Variants in PPP1R36 observed in about 807,000 individuals in gnomAD.
The protein encoded by PPP1R36 is protein phosphatase 1 regulatory subunit 36.
PPP1R36 carries 47 observed loss-of-function variants against 53.4 expected under a neutral mutation model. The ratio of observed to expected loss-of-function variants is 0.88; its 90% CI spans 0.70 to 1.12. The LOEUF (loss-of-function observed/expected upper bound fraction) is 1.12. Ranked by LOEUF, PPP1R36 falls within the 50% of genes most tolerant of loss-of-function variation. The pLI, the probability that PPP1R36 is intolerant of heterozygous loss-of-function variation, is 0.00. For synonymous variants in PPP1R36, 153 were observed against 170.5 expected, an observed-to-expected ratio of 0.90 and a Z score of 0.80; for missense variants, 456 against 513.9, an observed-to-expected ratio of 0.89 and a Z score of 1.09.
chr14:64,559,978 C>T (rs1029043755), intron 3 of PPP1R36, among the ~76,000 whole-genome samples: 2 of 151,800 alleles, frequency 1.3e-5, no homozygotes, highest in Non-Finnish European at 2.9e-5. Flanking sequence ...TGGTACGTGC[C>T]TGCAGTCCCA....
At chr14:64,581,119 G>C (rs576355304) in intron 8 of PPP1R36, among the ~76,000 whole-genome samples, 12 of 152,320 alleles carry the variant, frequency 7.9e-5, no homozygotes, top group African/African-American at 2.6e-4. Flanking sequence ...GAAGTTACAG[G>C]CAAAGTTGTA....
intron 11 of PPP1R36, 71 bp from the exon 12 acceptor site, chr14:64,589,081 A>G (rs2080462505): frequency 3.5e-6 from 4 of 1,135,350 alleles, no homozygotes; most frequent in Non-Finnish European, 5.2e-6. Flanking sequence ...CACAACCACA[A>G]TCACAGTCTC....
intron 8 of PPP1R36, among the ~76,000 whole-genome samples, chr14:64,576,074 G>T: frequency 7.8e-6 from 1 of 129,024 alleles, no homozygotes. Context: ...ATTTGACTGA[G>T]TATCTTTTTT....
chr14:64,579,938 C>G (rs2080374448), intron 8 of PPP1R36, among the ~76,000 whole-genome samples: 1 of 152,040 alleles, frequency 6.6e-6, no homozygotes, highest in Admixed American at 6.6e-5. Context: ...CCACTGCACT[C>G]CAGCCTGGGC....
At chr14:64,559,875 G>A (rs906397692) in intron 3 of PPP1R36, among the ~76,000 whole-genome samples, 1 of 151,730 alleles carries the variant, frequency 6.6e-6, no homozygotes, top group Non-Finnish European at 1.5e-5. Context: ...AGGCCAAGGC[G>A]AGGAAATACC....
intron 7 of PPP1R36, among the ~76,000 whole-genome samples, chr14:64,570,817 G>A (rs2080296905): frequency 6.6e-6 from 1 of 152,176 alleles, no homozygotes; most frequent in South Asian, 2.1e-4. Context: ...ATTGATGTCA[G>A]GTGATTAAAA....
intron 3 of PPP1R36, chr14:64,559,657 G>A (rs1056744570): frequency 2.0e-5 from 3 of 152,378 alleles, no homozygotes; most frequent in Middle Eastern, 3.1e-3. Context: ...GGGGACTGCA[G>A]GTGGTTCATT....
At chr14:64,578,642 G>C (rs117242159) in intron 8 of PPP1R36, among the ~76,000 whole-genome samples, 2 of 152,224 alleles carry the variant, frequency 1.3e-5, no homozygotes, top group East Asian at 3.9e-4. Flanking sequence ...AAAAGGGAAC[G>C]CTTATACACT....
chr14:64,570,251 A>T (rs1223851390), intron 7 of PPP1R36, among the ~76,000 whole-genome samples: 1 of 152,070 alleles, frequency 6.6e-6, no homozygotes, highest in Non-Finnish European at 1.5e-5. Context: ...TGGGAGGCCA[A>T]GGCGAGTGGA....
At chr14:64,577,375 G>A (rs978806946) in intron 8 of PPP1R36, among the ~76,000 whole-genome samples, 1 of 152,118 alleles carries the variant, frequency 6.6e-6, no homozygotes, top group Non-Finnish European at 1.5e-5. Context: ...CAGTGTCTGG[G>A]TGCAGCAAGC....
intron 8 of PPP1R36, among the ~76,000 whole-genome samples, chr14:64,584,978 A>G (rs2080419615): frequency 6.6e-6 from 1 of 152,186 alleles, no homozygotes; most frequent in Non-Finnish European, 1.5e-5. Flanking sequence ...GAAGAAACCA[A>G]TATATAATGA....
At chr14:64,587,751 C>T (rs1410602143) in intron 10 of PPP1R36, among the ~76,000 whole-genome samples, 1 of 151,708 alleles carries the variant, frequency 6.6e-6, no homozygotes, top group Non-Finnish European at 1.5e-5. Context: ...CGTGAGCCAC[C>T]ATGCCCAGCC....
chr14:64,550,821 ATG>A (rs2080088464), intron 1 of PPP1R36, 98 bp from the exon 2 acceptor site: 1 of 821,040 alleles, frequency 1.2e-6, no homozygotes, highest in Non-Finnish European at 1.9e-6. Context: ...TACTTAAAAG[ATG>A]TGTTAGTAAG....
chr14:64,584,735 T>A (rs529088681), intron 8 of PPP1R36, among the ~76,000 whole-genome samples: 1 of 152,292 alleles, frequency 6.6e-6, no homozygotes, highest in East Asian at 1.9e-4. Context: ...AGTCTCAACT[T>A]TAGTTTCCTC....
chr14:64,587,448 CTTTTTTTTTTTTTTTTTTTTT>C lies in PPP1R36; in HGVS notation c.890+86_890+106del, dbSNP rs10708900. On this transcript the variant is annotated intron_variant, in intron 10 of 11. Coordinates refer to ENST00000298705, the MANE Select transcript of PPP1R36 (RefSeq NM_172365.3). ...CCTTTCTTTTCTTTTCTTTTTTCTC[CTTTTTTTTTTTTTTTTTTTTT>C]TTTTTTTTTGAGACAGAGTCTTGCT... The C allele has an allele frequency of 8.1e-5, 9 of 110,980 alleles. 1 individual carries two copies. Among genetic ancestry groups the C allele is most frequent in the Non-Finnish European group, 1.2e-4 (9 of 72,328 alleles). 6.9% of individuals were successfully genotyped at this position (110,980 alleles called of 1,614,324 possible).
At chr14:64,580,507 A>G (rs1468783027) in intron 8 of PPP1R36, among the ~76,000 whole-genome samples, 1 of 152,220 alleles carries the variant, frequency 6.6e-6, no homozygotes, top group Non-Finnish European at 1.5e-5. Flanking sequence ...AAACCTTTAA[A>G]GGAACACATA....
intron 3 of PPP1R36, among the ~76,000 whole-genome samples, chr14:64,560,102 A>C (rs12879012): frequency 1.7e-5 from 2 of 116,674 alleles, no homozygotes; most frequent in South Asian, 3.0e-4. Context: ...AGAATCTGTC[A>C]CAAAAAAAAA....
chr14:64,565,250 C>T (rs1315007937), intron 4 of PPP1R36, 107 bp from the exon 5 acceptor site: 10 of 695,562 alleles, frequency 1.4e-5, no homozygotes, highest in Admixed American at 9.1e-5. Context: ...ATGTATGACA[C>T]TCAGGCTCTT....
intron 2 of PPP1R36, chr14:64,551,825 C>T (rs2080095693): frequency 3.0e-6 from 1 of 335,078 alleles, no homozygotes; most frequent in Non-Finnish European, 6.0e-6. Flanking sequence ...GTCTCTGGAG[C>T]CAGCTACAGA....
Sources: gnomAD v4.1 joint callset for allele counts (sites outside exome capture counted in the v4.1 genomes callset) on GRCh38, gnomAD v4.1.1 for gene constraint, MANE v1.5 for transcripts, NCBI Gene and HGNC (gene_info 2026-07-23, HGNC 2026-07-21) for gene names.